The following KDM4C variants were observed in gnomAD, a reference collection of about 807,000 sequenced individuals.
KDM4C encodes lysine demethylase 4C.
KDM4C carries 81 observed loss-of-function variants against 129.3 expected under a neutral mutation model. That is an observed-to-expected ratio of 0.63 (90% CI 0.52 to 0.75). The LOEUF is 0.75. KDM4C is among the 30% of genes least tolerant of loss of function. KDM4C has a pLI of 0.00. For synonymous variants in KDM4C, 573 were observed against 456.1 expected (o/e 1.26, Z -3.26); for missense variants, 1,457 against 1,304.0 (o/e 1.12, Z -1.81).
chr9:6,944,164 A>G (rs1212043303), intron 8 of KDM4C, among the ~76,000 whole-genome samples: 1 of 152,234 alleles, frequency 6.6e-6, no homozygotes, highest in African/African-American at 2.4e-5. Flanking sequence ...ATCTGCAAGC[A>G]GAGGGTGCTG....
chr9:6,924,898 G>C (rs181981501), intron 8 of KDM4C: 3 of 984,506 alleles, frequency 3.0e-6, no homozygotes, highest in Non-Finnish European at 3.6e-6. Context: ...GGAGCATTTT[G>C]TTGGTCAGAG....
At chr9:7,125,460 C>T (rs946942410) in intron 18 of KDM4C, among the ~76,000 whole-genome samples, 3 of 152,206 alleles carry the variant, frequency 2.0e-5, no homozygotes, top group African/African-American at 7.2e-5. Flanking sequence ...TTTGACTCTC[C>T]AACATCAGAT....
intron 19 of KDM4C, among the ~76,000 whole-genome samples, chr9:7,145,468 G>C (rs1398874758): frequency 6.6e-6 from 1 of 152,112 alleles, no homozygotes; most frequent in East Asian, 1.9e-4. Flanking sequence ...TCCCTTAACT[G>C]TTCATTCTTA....
intron 8 of KDM4C, among the ~76,000 whole-genome samples, chr9:6,916,163 G>A (rs1820272762): frequency 1.3e-5 from 2 of 152,120 alleles, no homozygotes; most frequent in Non-Finnish European, 2.9e-5. Context: ...ACTTCTGAGT[G>A]ATTTGAGGTG....
chr9:6,866,279 C>CTTTCT (rs900033837), intron 5 of KDM4C, among the ~76,000 whole-genome samples: 7 of 151,614 alleles, frequency 4.6e-5, no homozygotes, highest in African/African-American at 1.5e-4. Context: ...ACCCTTCTTT[C>CTTTCT]TTTCTTTTCT....
intron 5 of KDM4C, among the ~76,000 whole-genome samples, chr9:6,874,376 G>T (rs1441415668): frequency 1.3e-5 from 2 of 152,112 alleles, no homozygotes; most frequent in Admixed American, 6.5e-5. Flanking sequence ...AAAGCCCCGG[G>T]TTTTTTTAAA....
At chr9:6,834,125 G>A (rs138466229) in intron 4 of KDM4C, among the ~76,000 whole-genome samples, 3 of 143,480 alleles carry the variant, frequency 2.1e-5, no homozygotes, top group African/African-American at 5.2e-5. Flanking sequence ...TGCAACCTCC[G>A]TCTTCTGGGT....
At chr9:6,776,354 C>G (rs1052811421) in intron 1 of KDM4C, among the ~76,000 whole-genome samples, 6 of 152,118 alleles carry the variant, frequency 3.9e-5, no homozygotes, top group African/African-American at 1.4e-4. Flanking sequence ...ACCTCTGCCT[C>G]CCGGGTTCAA....
At chr9:6,980,813 T>C (rs1816640755) in intron 8 of KDM4C, 112 bp from the exon 9 acceptor site, 1 of 855,762 alleles carries the variant, frequency 1.2e-6, no homozygotes, top group Non-Finnish European at 1.9e-6. Flanking sequence ...TAATGCATTA[T>C]CCTCCATTAT....
chr9:6,889,464 G>A (rs1845809147), intron 7 of KDM4C, among the ~76,000 whole-genome samples: 1 of 152,088 alleles, frequency 6.6e-6, no homozygotes, highest in Non-Finnish European at 1.5e-5. Flanking sequence ...CGTGGGGGCT[G>A]CCTGCGGGTG....
intron 1 of KDM4C, among the ~76,000 whole-genome samples, chr9:6,772,062 C>T (rs887550350): frequency 1.3e-5 from 2 of 152,180 alleles, no homozygotes; most frequent in East Asian, 1.9e-4. Flanking sequence ...TGGCTGCCTT[C>T]TCCCTTTATC....
At chr9:6,887,167 C>G (rs1845436972) in intron 6 of KDM4C, among the ~76,000 whole-genome samples, 1 of 152,308 alleles carries the variant, frequency 6.6e-6, no homozygotes, top group South Asian at 2.1e-4. Flanking sequence ...TGCCTTCCCT[C>G]TGAGTGAGGA....
intron 8 of KDM4C, among the ~76,000 whole-genome samples, chr9:6,955,236 C>G (rs1189533488): frequency 6.6e-6 from 1 of 152,142 alleles, no homozygotes; most frequent in Non-Finnish European, 1.5e-5. Context: ...TTAATAGTAT[C>G]AGTTTTTGGT....
chr9:6,985,975 G>A (rs1817623182), intron 10 of KDM4C, among the ~76,000 whole-genome samples: 1 of 152,210 alleles, frequency 6.6e-6, no homozygotes, highest in Non-Finnish European at 1.5e-5. Context: ...ACACACGTGA[G>A]CCACCGTGCC....
intron 8 of KDM4C, among the ~76,000 whole-genome samples, chr9:6,905,899 G>C (rs185438631): frequency 6.6e-6 from 1 of 152,086 alleles, no homozygotes; most frequent in African/African-American, 2.4e-5. Context: ...TGAGGATCCT[G>C]CCAGTTAGAG....
chr9:6,898,848 G>T (rs542852194), intron 8 of KDM4C, among the ~76,000 whole-genome samples: 2 of 152,098 alleles, frequency 1.3e-5, no homozygotes. Flanking sequence ...GATCATTTTT[G>T]TGGTGAGTCT....
At chr9:7,032,827 A>G (rs983315448) in intron 15 of KDM4C, among the ~76,000 whole-genome samples, 3 of 152,322 alleles carry the variant, frequency 2.0e-5, no homozygotes, top group African/African-American at 7.2e-5. Flanking sequence ...GTTTGTTTAC[A>G]TTGAAAATAA....
At position 6,728,739 on chromosome 9, in the gene KDM4C, A is replaced by G. The variant is rs562752016; in HGVS notation, c.49+7742A>G. Among the ~76,000 whole-genome samples, 3 of 152,022 alleles carry G rather than the reference A, an allele frequency of 2.0e-5. No individual in the cohort carries two copies. In the South Asian group the frequency reaches 6.2e-4, roughly 32 times the overall value. On this transcript the variant is annotated intron_variant, in intron 1 of 17. Transcript: ENST00000536108. ...CGCATGCCTATAATCCCAGCTACTC[A>G]GGAGGCTGAGGCAGGAGAATCGCCT...
At chr9:7,049,007 C>G (rs754736409) in intron 16 of KDM4C, 85 bp from the exon 17 acceptor site, 1 of 844,168 alleles carries the variant, frequency 1.2e-6, no homozygotes, top group Non-Finnish European at 2.0e-6. Context: ...CTGTGTATTT[C>G]CCATCTGTGA....
Sources: allele counts gnomAD v4.1 joint callset (sites outside exome capture counted in the v4.1 genomes callset), GRCh38; gene constraint gnomAD v4.1.1; transcripts MANE v1.5; gene names NCBI Gene and HGNC (gene_info 2026-07-23, HGNC 2026-07-21).